The following PTPRD variants were observed in gnomAD, a reference collection of about 807,000 sequenced individuals.
The protein encoded by PTPRD is receptor-type tyrosine-protein phosphatase delta.
In PTPRD, 34 loss-of-function variants were observed where a neutral mutation model predicts 214.5. That is an observed-to-expected ratio of 0.16 (90% CI 0.12 to 0.21). The LOEUF (loss-of-function observed/expected upper bound fraction) is 0.21. Ranked by LOEUF, PTPRD falls within the 10% of genes least tolerant of loss-of-function variation. The pLI, the probability that PTPRD is intolerant of heterozygous loss-of-function variation, is 1.00. For synonymous variants in PTPRD, 1,128 were observed against 845.7 expected, an observed-to-expected ratio of 1.33 and a Z score of -5.79; for missense variants, 2,545 against 2,398.7, an observed-to-expected ratio of 1.06 and a Z score of -1.27.
intron 4 of PTPRD, among the ~76,000 whole-genome samples, chr9:9,942,582 GAATC>G (rs895692072): frequency 3.0e-4 from 45 of 152,198 alleles, no homozygotes; most frequent in Admixed American, 2.5e-3. Flanking sequence ...CCTTCCTTGA[GAATC>G]AAACTAATTT....
intron 11 of PTPRD, among the ~76,000 whole-genome samples, chr9:8,966,405 T>C (rs1054692635): frequency 4.0e-5 from 6 of 150,054 alleles, no homozygotes; most frequent in African/African-American, 1.5e-4. Context: ...AACAGACACA[T>C]AGACCAGTGG....
intron 4 of PTPRD, among the ~76,000 whole-genome samples, chr9:9,946,552 T>C (rs1228791329): frequency 6.6e-6 from 1 of 151,840 alleles, no homozygotes; most frequent in African/African-American, 2.4e-5. Context: ...CTGTGACTTT[T>C]TGCCTGGATC....
intron 30 of PTPRD, among the ~76,000 whole-genome samples, chr9:8,473,569 A>G (rs1455723130): frequency 1.3e-5 from 2 of 152,198 alleles, no homozygotes; most frequent in Non-Finnish European, 1.5e-5. Flanking sequence ...ATGATACTGC[A>G]TATTATCAGA....
chr9:10,524,971 G>C (rs540745597), intron 2 of PTPRD, among the ~76,000 whole-genome samples: 1 of 151,442 alleles, frequency 6.6e-6, no homozygotes, highest in African/African-American at 2.4e-5. Flanking sequence ...TGGGCTCATA[G>C]TAGGGTAGAT....
chr9:10,162,309 G>C (rs374132500), intron 3 of PTPRD, among the ~76,000 whole-genome samples: 1 of 151,462 alleles, frequency 6.6e-6, no homozygotes, highest in Non-Finnish European at 1.5e-5. Context: ...GCCTGTCAAT[G>C]TATGAATGGA....
intron 11 of PTPRD, among the ~76,000 whole-genome samples, chr9:8,945,094 A>G (rs563791800): frequency 6.6e-6 from 1 of 152,194 alleles, no homozygotes; most frequent in Admixed American, 6.6e-5. Context: ...GGGAAAGAAA[A>G]CCACAGCAAT....
At chr9:10,259,834 G>A (rs1011215413) in intron 3 of PTPRD, among the ~76,000 whole-genome samples, 7 of 152,106 alleles carry the variant, frequency 4.6e-5, no homozygotes, top group African/African-American at 7.2e-5. Context: ...AAAGTCCCAG[G>A]CAGAGAATCT....
intron 3 of PTPRD, among the ~76,000 whole-genome samples, chr9:10,267,333 C>CTA (rs1261942097): frequency 6.6e-6 from 1 of 152,000 alleles, no homozygotes; most frequent in African/African-American, 2.4e-5. Context: ...CTCAGGAACA[C>CTA]TAGCGTCTTG....
rs73390327 is a variant in PTPRD, at chr9:10,451,099, T to C, written c.-599-110082A>G. 1.0e-2 allele frequency among the ~76,000 whole-genome samples: 1,514 copies of C among 152,012 alleles called. 36 individuals are homozygous for C. The highest frequency in any genetic ancestry group is 0.029 in the African/African-American group (1,193 of 41,332). On this transcript the variant is annotated intron_variant, in intron 2 of 45. Transcript: ENST00000381196. ...TTTAGTCCACCATATTAAGAGGTTTTAAAAGTATTTAAGTATACGTATTTT... is the reference window on the plus strand; with the variant it reads ...TTTAGTCCACCATATTAAGAGGTTTCAAAAGTATTTAAGTATACGTATTTT...
intron 26 of PTPRD, among the ~76,000 whole-genome samples, chr9:8,496,042 C>T (rs373590387): frequency 4.5e-4 from 69 of 152,176 alleles, no homozygotes; most frequent in African/African-American, 1.1e-3. Flanking sequence ...TTACTTAACA[C>T]GAAGCCTTCA....
chr9:10,179,526 C>G (rs2099269483), intron 3 of PTPRD, among the ~76,000 whole-genome samples: 1 of 151,800 alleles, frequency 6.6e-6, no homozygotes, highest in Non-Finnish European at 1.5e-5. Context: ...TTATATATTG[C>G]TTGGAAATAA....
intron 35 of PTPRD, among the ~76,000 whole-genome samples, chr9:8,427,388 A>G (rs2094752603): frequency 6.6e-6 from 1 of 152,164 alleles, no homozygotes; most frequent in African/African-American, 2.4e-5. Context: ...GATACTAGCA[A>G]TTTTGATCAC....
chr9:9,752,064 A>C (rs1010554304), intron 6 of PTPRD, among the ~76,000 whole-genome samples: 2 of 152,150 alleles, frequency 1.3e-5, no homozygotes, highest in Non-Finnish European at 2.9e-5. Flanking sequence ...GTGGTAAGTC[A>C]GGAGACAATG....
intron 3 of PTPRD, among the ~76,000 whole-genome samples, chr9:10,226,835 T>C (rs1259727973): frequency 1.3e-5 from 2 of 152,166 alleles, no homozygotes; most frequent in Non-Finnish European, 2.9e-5. Flanking sequence ...TTCCACTACG[T>C]CTAATTGCCT....
intron 7 of PTPRD, among the ~76,000 whole-genome samples, chr9:9,723,867 T>C (rs1440298016): frequency 4.1e-4 from 63 of 152,140 alleles, no homozygotes; most frequent in Admixed American, 4.1e-3. Context: ...TCTTGTATCC[T>C]GAAACCTTGC....
At chr9:9,259,492 C>T (rs1048681581) in intron 9 of PTPRD, among the ~76,000 whole-genome samples, 1 of 151,840 alleles carries the variant, frequency 6.6e-6, no homozygotes, top group African/African-American at 2.4e-5. Flanking sequence ...ATTGGAAATT[C>T]AGGTGAAAGC....
At chr9:9,898,908 C>G (rs942217915) in intron 5 of PTPRD, among the ~76,000 whole-genome samples, 1 of 151,968 alleles carries the variant, frequency 6.6e-6, no homozygotes, top group Admixed American at 6.6e-5. Flanking sequence ...CCCATATTCT[C>G]CAGGATTTTC....
intron 3 of PTPRD, among the ~76,000 whole-genome samples, chr9:10,232,980 G>A (rs1028719392): frequency 2.6e-5 from 4 of 151,982 alleles, no homozygotes; most frequent in Admixed American, 1.3e-4. Context: ...ACCCTCACTG[G>A]CATTCAACAA....
At chr9:9,991,620 C>T (rs766534896) in intron 4 of PTPRD, among the ~76,000 whole-genome samples, 21 of 152,184 alleles carry the variant, frequency 1.4e-4, no homozygotes, top group Non-Finnish European at 2.8e-4. Flanking sequence ...CTTGGCCTCC[C>T]GAAGTGTTGG....
Sources: gnomAD v4.1 joint callset for allele counts (sites outside exome capture counted in the v4.1 genomes callset) on GRCh38, gnomAD v4.1.1 for gene constraint, MANE v1.5 for transcripts, NCBI Gene and HGNC (gene_info 2026-07-23, HGNC 2026-07-21) for gene names.